Variants in HMG20A observed in about 807,000 individuals in gnomAD.
The protein encoded by HMG20A is high mobility group 20A.
A neutral mutation model predicts 43.9 loss-of-function variants in HMG20A; 17 were observed. The ratio of observed to expected loss-of-function variants is 0.39; its 90% CI spans 0.27 to 0.58. The LOEUF (loss-of-function observed/expected upper bound fraction) is 0.58. HMG20A is among the 20% of genes least tolerant of loss of function. HMG20A has a pLI of 0.59. For synonymous variants in HMG20A, 132 were observed against 147.5 expected (o/e 0.89, Z 0.76); for missense variants, 341 against 438.2 (o/e 0.78, Z 1.98).
chr15:77,432,401 T>TA (rs905292596), intron 1 of HMG20A, among the ~76,000 whole-genome samples: 9 of 151,610 alleles, frequency 5.9e-5, no homozygotes, highest in African/African-American at 1.2e-4. Context: ...AAGGAAATAA[T>TA]AAAAAAATAG....
chr15:77,509,555 CGTGT>C, the HMG20A span, among the ~76,000 whole-genome samples: 14,363 of 115,082 alleles, frequency 0.12, 1,150 homozygotes, highest in African/African-American at 0.22. Flanking sequence ...TGTGCCCAGC[CGTGT>C]GTGTGTGTGT....
At chr15:77,487,193 G>A (rs2072949899), downstream of HMG20A, among the ~76,000 whole-genome samples, 1 of 152,066 alleles carries the variant, frequency 6.6e-6, no homozygotes, top group Admixed American at 6.5e-5. Flanking sequence ...ACTTAATTTG[G>A]CCAGAACTCA....
At chr15:77,474,320 G>C (rs918612228) in intron 6 of HMG20A, among the ~76,000 whole-genome samples, 3 of 152,132 alleles carry the variant, frequency 2.0e-5, no homozygotes, top group Non-Finnish European at 4.4e-5. Context: ...ATCCTATGAG[G>C]AGTAAAACAC....
At chr15:77,480,488 C>T (rs1258695336) in intron 9 of HMG20A, among the ~76,000 whole-genome samples, 1 of 151,242 alleles carries the variant, frequency 6.6e-6, no homozygotes, top group African/African-American at 2.4e-5. Flanking sequence ...TGGCGCACAC[C>T]TATAGTCCTA....
chr15:77,472,994 G>C (rs1004277082), intron 6 of HMG20A, among the ~76,000 whole-genome samples: 1 of 152,138 alleles, frequency 6.6e-6, no homozygotes, highest in African/African-American at 2.4e-5. Context: ...TCTATTCAAA[G>C]TTGACCTGAA....
intron 1 of HMG20A, among the ~76,000 whole-genome samples, chr15:77,433,205 G>A (rs955729647): frequency 4.0e-5 from 6 of 151,880 alleles, no homozygotes; most frequent in African/African-American, 1.5e-4. Context: ...AAAATTAACC[G>A]GGCATGATAG....
At chr15:77,491,384 T>G in the HMG20A span, among the ~76,000 whole-genome samples, 8 of 152,244 alleles carry the variant, frequency 5.3e-5, no homozygotes, top group African/African-American at 1.9e-4. Context: ...GCCGGTGGAT[T>G]TTTGAAGTAG....
intron 4 of HMG20A, among the ~76,000 whole-genome samples, chr15:77,470,157 C>G (rs1214439130): frequency 6.6e-6 from 1 of 152,138 alleles, no homozygotes; most frequent in East Asian, 1.9e-4. Flanking sequence ...TTACGCGGGA[C>G]AAAGTGTTTA....
At chr15:77,436,830 A>C (rs1170216547) in intron 1 of HMG20A, among the ~76,000 whole-genome samples, 1 of 152,204 alleles carries the variant, frequency 6.6e-6, no homozygotes, top group Non-Finnish European at 1.5e-5. Context: ...TAAATGTCAC[A>C]TCATGCCCCT....
chr15:77,466,038 A>G (rs2072753968), intron 3 of HMG20A, among the ~76,000 whole-genome samples: 1 of 152,212 alleles, frequency 6.6e-6, no homozygotes, highest in African/African-American at 2.4e-5. Flanking sequence ...AGGTGATTCA[A>G]TCTTTTGATT....
At chr15:77,481,901 A>G (rs2072908531) in intron 9 of HMG20A, 1 of 152,224 alleles carries the variant, frequency 6.6e-6, no homozygotes, top group Admixed American at 6.5e-5. Context: ...GATGCAATTA[A>G]TTACTCTGAC....
chr15:77,464,168 A>G, intron 2 of HMG20A, 72 bp from the exon 3 acceptor site: 1 of 1,535,500 alleles, frequency 6.5e-7, no homozygotes. Context: ...TTTTGCTGGC[A>G]GGGAAATTTA....
the HMG20A span, among the ~76,000 whole-genome samples, chr15:77,498,781 T>C: frequency 1.3e-5 from 2 of 152,226 alleles, no homozygotes; most frequent in African/African-American, 4.8e-5. Flanking sequence ...GACACCGTCC[T>C]ATTATTCCCA....
chr15:77,466,210 A>G (rs1410513020), intron 3 of HMG20A, among the ~76,000 whole-genome samples: 1 of 152,178 alleles, frequency 6.6e-6, no homozygotes, highest in Non-Finnish European at 1.5e-5. Flanking sequence ...GCAAAACCCC[A>G]TCTCTACTGA....
intron 9 of HMG20A, 94 bp downstream of exon 9, chr15:77,479,415 C>T (rs923720798): frequency 8.5e-6 from 10 of 1,180,128 alleles, no homozygotes; most frequent in Non-Finnish European, 1.2e-5. Context: ...CCTGGGATTA[C>T]ATTGGATGAA....
intron 1 of HMG20A, among the ~76,000 whole-genome samples, chr15:77,430,118 G>T (rs1173924044): frequency 6.6e-6 from 1 of 152,102 alleles, no homozygotes; most frequent in East Asian, 1.9e-4. Flanking sequence ...TAAAGTATTT[G>T]GCACATACAA....
rs542130510 is a variant in HMG20A, at chr15:77,467,324, C to G, written c.450+17C>G. On this transcript the variant is annotated intron_variant, in intron 4 of 9. Coordinates refer to ENST00000336216, the MANE Select transcript of HMG20A (RefSeq NM_001304504.2). ...GAAAAACAGGTAATTGTTCCTATTC[C>G]TGACTCTTTGTTTGGTTTTGATTAT... The G allele has an allele frequency of 1.3e-6, 2 of 1,581,716 alleles. No individual in the cohort carries two copies. Among genetic ancestry groups the G allele is most frequent in the South Asian group, 2.2e-5 (2 of 90,294 alleles).
At chr15:77,448,812 G>A (rs895022940) in intron 1 of HMG20A, among the ~76,000 whole-genome samples, 8 of 151,984 alleles carry the variant, frequency 5.3e-5, no homozygotes, top group East Asian at 1.9e-4. Flanking sequence ...GGCCGGGCGC[G>A]GTGGCTCACG....
chr15:77,448,515 C>T (rs1050820576), intron 1 of HMG20A, among the ~76,000 whole-genome samples: 19 of 152,162 alleles, frequency 1.2e-4, no homozygotes, highest in African/African-American at 4.1e-4. Context: ...ATTGCAGACA[C>T]CCCATTTCCT....
Sources: allele counts gnomAD v4.1 joint callset (sites outside exome capture counted in the v4.1 genomes callset), GRCh38; gene constraint gnomAD v4.1.1; transcripts MANE v1.5; gene names NCBI Gene and HGNC (gene_info 2026-07-23, HGNC 2026-07-21).